NTNG2: variants seen among roughly 807,000 people sequenced by gnomAD.
The protein encoded by NTNG2 is netrin G2, also known as netrin-G2.
Under a neutral mutation model 47.6 loss-of-function variants are expected in NTNG2, and 15 were observed. That is an observed-to-expected ratio of 0.32 (90% confidence interval 0.21 to 0.49). The LOEUF (loss-of-function observed/expected upper bound fraction) is 0.49, where lower values mean the gene tolerates loss of function less well. NTNG2 is among the 20% of genes least tolerant of loss of function. NTNG2 has a pLI of 0.99. For synonymous variants in NTNG2, 307 were observed against 324.6 expected (o/e 0.95, Z 0.58); for missense variants, 578 against 764.6 (o/e 0.76, Z 2.88).
chr9:132,175,309 C>G (rs1344543908), intron 2 of NTNG2, among the ~76,000 whole-genome samples: 1 of 152,150 alleles, frequency 6.6e-6, no homozygotes, highest in Admixed American at 6.5e-5. Context: ...CCTGACCGCT[C>G]GCTAGGGTTA....
Position 132,166,916 on chromosome 9 carries a change from G to A in NTNG2, c.85G>A (p.Asp29Asn), listed in dbSNP as rs138493692. ...YDICKSWVTT[D>N]EGPTWEFYAC... ...CATCTGCAAATCCTGGGTGACCACA[G>A]ATGAGGGCCCCACCTGGGAGTTCTA... The change falls in exon 2 of 8, where the codon GAT becomes AAT. Residue 29 changes from aspartate to asparagine, a missense_variant. Coordinates refer to ENST00000393229, the MANE Select transcript of NTNG2 (RefSeq NM_032536.4). The A allele has an allele frequency of 1.2e-6, 2 of 1,614,120 alleles. No homozygotes were observed.
intron 1 of NTNG2, among the ~76,000 whole-genome samples, chr9:132,165,586 C>T (rs1291774584): frequency 1.3e-5 from 2 of 152,210 alleles, no homozygotes; most frequent in Non-Finnish European, 1.5e-5. Flanking sequence ...TTGGCCAGCA[C>T]GTGGAGCACT....
chr9:132,213,859 T>C (rs1207895711), intron 3 of NTNG2, among the ~76,000 whole-genome samples: 1 of 152,138 alleles, frequency 6.6e-6, no homozygotes, highest in African/African-American at 2.4e-5. Context: ...CATGTAATAA[T>C]GTGGGGACGG....
At chr9:132,207,837 C>T (rs1469524678) in intron 3 of NTNG2, among the ~76,000 whole-genome samples, 1 of 152,188 alleles carries the variant, frequency 6.6e-6, no homozygotes, top group African/African-American at 2.4e-5. Flanking sequence ...GGCACGGTGG[C>T]TCACGCCTGT....
intron 3 of NTNG2, among the ~76,000 whole-genome samples, chr9:132,224,055 G>A (rs968980356): frequency 7.9e-5 from 12 of 151,746 alleles, no homozygotes; most frequent in African/African-American, 2.9e-4. Flanking sequence ...GTTTAAAACT[G>A]TTCTTCCTGG....
intron 2 of NTNG2, among the ~76,000 whole-genome samples, chr9:132,185,362 G>A (rs934317171): frequency 1.3e-5 from 2 of 152,334 alleles, no homozygotes; most frequent in East Asian, 3.9e-4. Flanking sequence ...GATCCGAGGA[G>A]AGGCAGCTAC....
Position 132,240,959 on chromosome 9 carries a change from C to T in NTNG2, c.1272C>T (p.Thr424=). 1.9e-6 allele frequency: 3 copies of T among 1,612,330 alleles called. No homozygotes were observed. Among genetic ancestry groups the T allele is most frequent in the Non-Finnish European group, 2.5e-6 (3 of 1,179,768 alleles). The part of the protein sequence containing the change: ...IGSVHDRCNE[T]GFCECREGAA... ...CCGTGCACGACCGGTGCAACGAGAC[C>T]GGCTTCTGCGAGTGCCGCGAGGGCG... Residue 424 remains threonine, a synonymous_variant, in exon 7 of 8, where the codon ACC becomes ACT. Transcript: ENST00000393229.
chr9:132,234,689 G>C lies in NTNG2; in HGVS notation c.1054+4094G>C, dbSNP rs73545013. 4.5e-3 allele frequency among the ~76,000 whole-genome samples: 681 copies of C among 152,334 alleles called. 3 individuals carry two copies. Among genetic ancestry groups the C allele is most frequent in the African/African-American group, 0.016 (656 of 41,580 alleles). ...GAGACACTAATCCTTTCCTGGGCTGGGCCACGGAGGATGGAGGGAGACAGG... is the reference window on the plus strand; with the variant it reads ...GAGACACTAATCCTTTCCTGGGCTGCGCCACGGAGGATGGAGGGAGACAGG... On this transcript the variant is annotated intron_variant, in intron 5 of 7. Transcript: ENST00000393229.
rs1454889622 is a variant in NTNG2 at position 132,163,333 on chromosome 9, C to A, written c.-484+1094C>A. On this transcript the variant is annotated intron_variant, in intron 1 of 7. Coordinates refer to ENST00000393229, the MANE Select transcript of NTNG2 (RefSeq NM_032536.4). The surrounding 1 kb of genome is among the most constrained non-coding windows in gnomAD (Gnocchi z 7.2). ...CCCACCCGGGAGCTGCTGCTCGCGC[C>A]CCGCCTCCCGCGCCCAACTTTCCAG... 1.3e-5 allele frequency among the ~76,000 whole-genome samples: 2 copies of A among 151,576 alleles called. No individual in the cohort carries two copies. Among genetic ancestry groups the A allele is most frequent in the Non-Finnish European group, 2.9e-5 (2 of 67,808 alleles).
Position 132,201,571 on chromosome 9 carries a change from G to A in NTNG2, c.857+2962G>A, listed in dbSNP as rs541003031. The stretch of plus-strand genomic sequence containing the variant: ...ACCCGAAGTTCCTGAGTGGGCACCA[G>A]GGACCCCTGGGGGTTCCCAGGCTCT... On this transcript the variant is annotated intron_variant, in intron 3 of 7. Transcript: ENST00000393229. 1.3e-4 allele frequency among the ~76,000 whole-genome samples: 20 copies of A among 152,318 alleles called. No individual in the cohort carries two copies. The East Asian group carries it at 2.5e-3, about 19-fold the overall frequency.
Position 132,166,808 on chromosome 9 carries a change from C to G in NTNG2, c.-24C>G. The G allele has an allele frequency of 1.2e-6, 2 of 1,610,084 alleles. No individual in the cohort carries two copies. The highest frequency in any genetic ancestry group is 1.1e-5 in the South Asian group (1 of 90,960). On this transcript the variant is annotated 5_prime_UTR_variant, in exon 2 of 8. Transcript: ENST00000393229. ...CTGCCTCTCCAGGGCTTCTCTGGGC[C>G]GCGCCTCTGCAGACTGCGCAGCCAT...
At chr9:132,196,305 C>T (rs886995653) in intron 2 of NTNG2, among the ~76,000 whole-genome samples, 31 of 152,220 alleles carry the variant, frequency 2.0e-4, no homozygotes, top group Non-Finnish European at 1.3e-4. Flanking sequence ...ATTCTCTTGC[C>T]TCAGCCTCCC....
chr9:132,225,562 G>A (rs73563338), intron 3 of NTNG2, among the ~76,000 whole-genome samples: 170 of 152,258 alleles, frequency 1.1e-3, no homozygotes, highest in African/African-American at 3.7e-3. Flanking sequence ...GCACCACCAC[G>A]CCTAGCCTGT....
chr9:132,220,855 C>A (rs764876422), intron 3 of NTNG2, among the ~76,000 whole-genome samples: 1 of 152,034 alleles, frequency 6.6e-6, no homozygotes, highest in Non-Finnish European at 1.5e-5. Context: ...TTACGTGGGT[C>A]TCCCATATTA....
rs532501591 is a variant in NTNG2, at chr9:132,226,007, C to T, written c.858-842C>T. 3.9e-5 allele frequency among the ~76,000 whole-genome samples: 6 copies of T among 152,180 alleles called. No homozygotes were observed. The highest frequency in any genetic ancestry group is 9.6e-5 in the African/African-American group (4 of 41,522). Reference sequence around the variant, plus strand: ...GATTCAGGTTCAGTTGCTTTGGCTTCGGGTGGGGGTGTGTTCTTCTAGAGA... The same window carrying T: ...GATTCAGGTTCAGTTGCTTTGGCTTTGGGTGGGGGTGTGTTCTTCTAGAGA... On this transcript the variant is annotated intron_variant, in intron 3 of 7. Coordinates refer to ENST00000393229, the MANE Select transcript of NTNG2 (RefSeq NM_032536.4). This position sits in a 1 kb window ranked among gnomAD's most constrained non-coding sequence, Gnocchi z 4.8.
chr9:132,204,166 G>A (rs1019968266), intron 3 of NTNG2, among the ~76,000 whole-genome samples: 5 of 152,164 alleles, frequency 3.3e-5, no homozygotes, highest in African/African-American at 9.7e-5. Flanking sequence ...GAGGAAACCC[G>A]TGAGTTCCAA....
chr9:132,195,134 A>G (rs1589433974), intron 2 of NTNG2, among the ~76,000 whole-genome samples: 1 of 151,914 alleles, frequency 6.6e-6, no homozygotes, highest in East Asian at 1.9e-4. Flanking sequence ...TCATTAATAG[A>G]CTTTATATTT....
At position 132,182,746 on chromosome 9, in the gene NTNG2, C is replaced by T. The variant is rs1228207495; in HGVS notation, c.214-15220C>T. On this transcript the variant is annotated intron_variant, in intron 2 of 7. Transcript: ENST00000393229. The surrounding 1 kb of genome is among the most constrained non-coding windows in gnomAD (Gnocchi z 4.2). ...ATCTCCCAACACTTGGGGCAGTCTT[C>T]TCGAAGGCCTCAAGCCCAGCGGGCA... Among the ~76,000 whole-genome samples the T allele has an allele frequency of 1.3e-5, 2 of 152,186 alleles. No homozygotes were observed. The highest frequency in any genetic ancestry group is 4.8e-5 in the African/African-American group (2 of 41,452).
chr9:132,239,383 G>A (rs1841841756), intron 6 of NTNG2, 112 bp downstream of exon 6: 8 of 1,028,992 alleles, frequency 7.8e-6, no homozygotes, highest in Admixed American at 2.3e-5. Flanking sequence ...GGGAGACTGT[G>A]GGAATTCTAA....
Sources: allele counts gnomAD v4.1 joint callset (sites outside exome capture counted in the v4.1 genomes callset), GRCh38; gene constraint gnomAD v4.1.1; non-coding constraint Gnocchi (gnomAD v3.1); transcripts MANE v1.5; gene names NCBI Gene and HGNC (gene_info 2026-07-23, HGNC 2026-07-21).